JARID2: variants seen among roughly 807,000 people sequenced by gnomAD.
The protein encoded by JARID2 is jumonji and AT-rich interaction domain containing 2.
Under a neutral mutation model 125.6 loss-of-function variants are expected in JARID2, and 21 were observed. That is an observed-to-expected ratio of 0.17 (90% CI 0.12 to 0.24). JARID2 has a LOEUF of 0.24. Among genes scored for constraint, JARID2 ranks in the 10% least tolerant of loss-of-function variants. JARID2 has a pLI of 1.00. For missense variants in JARID2, 1,303 were observed against 1,639.6 expected, an observed-to-expected ratio of 0.79 and a Z score of 3.55; for synonymous variants, 736 against 661.6, an observed-to-expected ratio of 1.11 and a Z score of -1.73.
chr6:15,423,153 C>T (rs1410378916), intron 3 of JARID2, among the ~76,000 whole-genome samples: 1 of 152,030 alleles, frequency 6.6e-6, no homozygotes, highest in Non-Finnish European at 1.5e-5. Flanking sequence ...TATGTGCCAC[C>T]ACGTCCAGCT....
intron 3 of JARID2, among the ~76,000 whole-genome samples, chr6:15,448,108 C>T (rs749064871): frequency 2.0e-5 from 3 of 152,132 alleles, no homozygotes; most frequent in Non-Finnish European, 4.4e-5. Flanking sequence ...CTTCTGGCCT[C>T]TTTATAAAAG....
In JARID2 at chr6:15,478,158, C is replaced by T. The variant is rs888965763; in HGVS notation, c.671-9149C>T. 4.6e-5 allele frequency among the ~76,000 whole-genome samples: 7 copies of T among 152,186 alleles called. No individual in the cohort carries two copies. In the South Asian group the frequency reaches 6.2e-4, roughly 14 times the overall value. ...CCCATGAGTTTGGTGTTGTTACCTT[C>T]GTAACTCTTTCTGTGACAGGCAGCT... On this transcript the variant is annotated intron_variant, in intron 5 of 17. Transcript: ENST00000341776.
chr6:15,488,516 A>C (rs1769992562), intron 6 of JARID2, among the ~76,000 whole-genome samples: 1 of 152,190 alleles, frequency 6.6e-6, no homozygotes, highest in Non-Finnish European at 1.5e-5. Context: ...GCTTCAGAGG[A>C]AGTTGTAGAG....
intron 5 of JARID2, among the ~76,000 whole-genome samples, chr6:15,481,556 G>A (rs1769617336): frequency 6.6e-6 from 1 of 151,852 alleles, no homozygotes. Flanking sequence ...AGGTTCCCAC[G>A]ACACTTAAAA....
intron 1 of JARID2, among the ~76,000 whole-genome samples, chr6:15,249,151 T>C (rs1759335301): frequency 1.3e-5 from 2 of 152,344 alleles, no homozygotes; most frequent in African/African-American, 4.8e-5. Flanking sequence ...CCAGTGCTTA[T>C]GTAAAGAAAT....
At chr6:15,360,595 C>T (rs928574558) in intron 1 of JARID2, among the ~76,000 whole-genome samples, 20 of 152,134 alleles carry the variant, frequency 1.3e-4, no homozygotes, top group African/African-American at 4.3e-4. Flanking sequence ...GCGATCTTCT[C>T]ACCTCAGCCT....
intron 1 of JARID2, chr6:15,324,597 C>T (rs1762472755): frequency 6.6e-6 from 1 of 151,656 alleles, no homozygotes; most frequent in African/African-American, 2.4e-5. Flanking sequence ...CTGTCTTGGC[C>T]TCCCAAGTAG....
intron 3 of JARID2, among the ~76,000 whole-genome samples, chr6:15,422,499 C>G (rs555724155): frequency 6.6e-6 from 1 of 152,282 alleles, no homozygotes; most frequent in Admixed American, 6.5e-5. Context: ...CAGCAATTCT[C>G]GCTGGGCTGT....
At chr6:15,306,175 C>T (rs1022793038) in intron 1 of JARID2, among the ~76,000 whole-genome samples, 2 of 152,134 alleles carry the variant, frequency 1.3e-5, no homozygotes, top group Non-Finnish European at 2.9e-5. Context: ...CTCTTAAGTG[C>T]GTCACAGTTA....
At chr6:15,331,270 G>T (rs1456398334) in intron 1 of JARID2, among the ~76,000 whole-genome samples, 1 of 151,868 alleles carries the variant, frequency 6.6e-6, no homozygotes, top group African/African-American at 2.4e-5. Flanking sequence ...GGAGGTCAAG[G>T]CTATAATGAG....
At chr6:15,413,276 G>A (rs925837213) in intron 3 of JARID2, among the ~76,000 whole-genome samples, 1 of 152,126 alleles carries the variant, frequency 6.6e-6, no homozygotes, top group African/African-American at 2.4e-5. Flanking sequence ...GCCTCCCAAA[G>A]TGTTGGGATT....
chr6:15,321,999 G>A (rs1202142926), intron 1 of JARID2, among the ~76,000 whole-genome samples: 28 of 151,870 alleles, frequency 1.8e-4, no homozygotes, highest in Admixed American at 1.8e-3. Context: ...CACCATGTTG[G>A]CCAGGCTGGC....
intron 1 of JARID2, among the ~76,000 whole-genome samples, chr6:15,312,623 C>T (rs1197473913): frequency 6.6e-6 from 1 of 152,194 alleles, no homozygotes; most frequent in Non-Finnish European, 1.5e-5. Flanking sequence ...TACATCCCTT[C>T]ACTTTGCTTT....
chr6:15,389,699 C>T (rs1470117414), intron 2 of JARID2, among the ~76,000 whole-genome samples: 2 of 152,256 alleles, frequency 1.3e-5, no homozygotes, highest in East Asian at 1.9e-4. Context: ...AAACTCTTCA[C>T]TCTGCCTGAA....
chr6:15,365,614 C>G (rs1486144299), intron 1 of JARID2, among the ~76,000 whole-genome samples: 1 of 148,946 alleles, frequency 6.7e-6, no homozygotes, highest in Non-Finnish European at 1.5e-5. Context: ...CCAATTTCAG[C>G]TGCAGCTTTT....
intron 1 of JARID2, among the ~76,000 whole-genome samples, chr6:15,279,244 G>C (rs1437817834): frequency 6.6e-6 from 1 of 152,146 alleles, no homozygotes; most frequent in East Asian, 1.9e-4. Context: ...CTCACAGCTA[G>C]GATTTAAATT....
chr6:15,337,086 C>T (rs750704263), intron 1 of JARID2, among the ~76,000 whole-genome samples: 1 of 152,058 alleles, frequency 6.6e-6, no homozygotes, highest in Non-Finnish European at 1.5e-5. Context: ...TCTCTTCCTG[C>T]CTCTCTTCCA....
At chr6:15,290,879 C>A (rs1423580430) in intron 1 of JARID2, among the ~76,000 whole-genome samples, 2 of 152,210 alleles carry the variant, frequency 1.3e-5, no homozygotes, top group Non-Finnish European at 2.9e-5. Context: ...CTCGGCCTCC[C>A]AGAGTGCTGG....
chr6:15,508,619 G>C (rs563322248), intron 12 of JARID2, among the ~76,000 whole-genome samples, 165 bp downstream of exon 12: 182 of 152,326 alleles, frequency 1.2e-3, no homozygotes, highest in African/African-American at 4.0e-3. Flanking sequence ...CTGGGCCTGG[G>C]ATCACCTACC....
Sources: gnomAD v4.1 joint callset for allele counts (sites outside exome capture counted in the v4.1 genomes callset) on GRCh38, gnomAD v4.1.1 for gene constraint, MANE v1.5 for transcripts, NCBI Gene and HGNC (gene_info 2026-07-23, HGNC 2026-07-21) for gene names.